EPHA3: variants seen among roughly 807,000 people sequenced by gnomAD.
The protein encoded by EPHA3 is EPH receptor A3.
A neutral mutation model predicts 107.1 loss-of-function variants in EPHA3; 42 were observed. The ratio of observed to expected loss-of-function variants is 0.39; its 90% CI spans 0.31 to 0.51. The LOEUF is 0.51. EPHA3 is among the 20% of genes least tolerant of loss of function. The probability of loss-of-function intolerance (pLI) is 0.78; values close to 1 mark genes in which losing one functional copy is unlikely to be tolerated. For synonymous variants in EPHA3, 461 were observed against 424.8 expected, an observed-to-expected ratio of 1.09 and a Z score of -1.05; for missense variants, 1,183 against 1,211.2, an observed-to-expected ratio of 0.98 and a Z score of 0.35.
intron 2 of EPHA3, among the ~76,000 whole-genome samples, chr3:89,181,145 A>G (rs1705434297): frequency 6.6e-6 from 1 of 151,958 alleles, no homozygotes; most frequent in Non-Finnish European, 1.5e-5. Context: ...TGACTTTTGT[A>G]TTCTACCTGT....
At chr3:89,340,435 C>T (rs1049541840) in intron 3 of EPHA3, among the ~76,000 whole-genome samples, 7 of 152,158 alleles carry the variant, frequency 4.6e-5, no homozygotes, top group Non-Finnish European at 7.4e-5. Context: ...TAAAAATATA[C>T]GTGAAGCCAT....
At chr3:89,132,167 G>A (rs1418752256) in intron 2 of EPHA3, among the ~76,000 whole-genome samples, 2 of 152,106 alleles carry the variant, frequency 1.3e-5, no homozygotes, top group African/African-American at 4.8e-5. Context: ...AAAGGCTCTG[G>A]GTCTGCAGCA....
chr3:89,458,671 C>T (rs1559704068), intron 15 of EPHA3, among the ~76,000 whole-genome samples: 3 of 152,162 alleles, frequency 2.0e-5, no homozygotes, highest in Admixed American at 1.3e-4. Flanking sequence ...TCTGCATCTT[C>T]GCTGGCATCT....
chr3:89,467,671 A>G (rs545029481), intron 15 of EPHA3, among the ~76,000 whole-genome samples: 2 of 152,332 alleles, frequency 1.3e-5, no homozygotes, highest in South Asian at 2.1e-4. Context: ...AATTGATGGG[A>G]AGAAAATATA....
chr3:89,340,957 A>C lies in EPHA3; in HGVS notation c.856A>C (p.Lys286Gln), dbSNP rs948106621. The change falls in exon 4 of 17, where the codon AAG becomes CAG. Residue 286 changes from lysine (K) to glutamine (Q), a missense_variant. Lys to Gln is a moderately conservative substitution (Grantham distance 53). Coordinates refer to ENST00000336596, the MANE Select transcript of EPHA3 (RefSeq NM_005233.6). The stretch of plus-strand genomic sequence containing the variant: ...CTACAAGGCATTGGATGGTAATATG[A>C]AGTGTGCTAAGTGCCCGCCTCACAG... ...GFYKALDGNM[K>Q]CAKCPPHSST... 2 of 1,614,070 alleles carry C rather than the reference A, an allele frequency of 1.2e-6. No individual in the cohort carries two copies. Among genetic ancestry groups the C allele is most frequent in the Non-Finnish European group, 1.7e-6 (2 of 1,179,974 alleles).
At chr3:89,351,295 C>T (rs1407245973) in intron 5 of EPHA3, among the ~76,000 whole-genome samples, 1 of 151,388 alleles carries the variant, frequency 6.6e-6, no homozygotes, top group African/African-American at 2.4e-5. Flanking sequence ...ACCCTCTGAG[C>T]CAGGTGTGGG....
intron 2 of EPHA3, among the ~76,000 whole-genome samples, chr3:89,166,782 C>T (rs556903869): frequency 4.6e-4 from 70 of 152,278 alleles, no homozygotes; most frequent in African/African-American, 1.2e-3. Flanking sequence ...ACAAAATGCA[C>T]CCTTTTATTA....
Position 89,143,610 on chromosome 3 carries a change from T to C in EPHA3, c.153+16337T>C, listed in dbSNP as rs186017073. ...AAATTCTTTTTAAAATAATTTTAGA[T>C]ATACGGAAAAGTTGCAAAGATAGTA... is the stretch of plus-strand genomic sequence containing the variant. On this transcript the variant is annotated intron_variant, in intron 2 of 16. Coordinates refer to ENST00000336596, the MANE Select transcript of EPHA3 (RefSeq NM_005233.6). 9.7e-4 allele frequency among the ~76,000 whole-genome samples: 147 copies of C among 151,698 alleles called. 2 individuals are homozygous for C. The highest frequency in any genetic ancestry group is 9.6e-3 in the Admixed American group (146 of 15,168).
intron 10 of EPHA3, among the ~76,000 whole-genome samples, chr3:89,415,289 C>T (rs1431257872): frequency 6.6e-6 from 1 of 150,656 alleles, no homozygotes; most frequent in African/African-American, 2.4e-5. Flanking sequence ...GAACAAATGG[C>T]AACCTTGGTT....
At chr3:89,108,231 C>T (rs1323933331) in intron 1 of EPHA3, among the ~76,000 whole-genome samples, 1 of 152,140 alleles carries the variant, frequency 6.6e-6, no homozygotes, top group African/African-American at 2.4e-5. Context: ...CAGCCTTCCT[C>T]TCTAGACTCT....
chr3:89,168,874 C>A (rs1183851147), intron 2 of EPHA3, among the ~76,000 whole-genome samples: 1 of 151,762 alleles, frequency 6.6e-6, no homozygotes, highest in Non-Finnish European at 1.5e-5. Flanking sequence ...TCTGGTACAC[C>A]ATCAAAAAAT....
intron 9 of EPHA3, among the ~76,000 whole-genome samples, chr3:89,411,413 C>T (rs1709152253): frequency 1.3e-5 from 2 of 151,838 alleles, no homozygotes; most frequent in African/African-American, 2.4e-5. Context: ...CAGCACCAGG[C>T]AGAAGTAGGA....
intron 9 of EPHA3, among the ~76,000 whole-genome samples, chr3:89,411,674 CT>C (rs1709156453): frequency 6.6e-6 from 1 of 151,878 alleles, no homozygotes; most frequent in Non-Finnish European, 1.5e-5. Flanking sequence ...ATGAAGTTGT[CT>C]TGTAGTTCAA....
chr3:89,287,458 G>A (rs1706115810), intron 3 of EPHA3, among the ~76,000 whole-genome samples: 2 of 152,100 alleles, frequency 1.3e-5, no homozygotes, highest in African/African-American at 2.4e-5. Context: ...CAATAAAAGC[G>A]TGACATCTAC....
intron 3 of EPHA3, among the ~76,000 whole-genome samples, chr3:89,313,893 G>A (rs1204009946): frequency 6.6e-6 from 1 of 151,732 alleles, no homozygotes; most frequent in East Asian, 1.9e-4. Context: ...TGTTATCATG[G>A]CAGGTATATA....
chr3:89,472,605 C>T lies in EPHA3; in HGVS notation c.2832C>T (p.Ala944=). The T allele has an allele frequency of 6.2e-7, 1 of 1,609,278 alleles. No individual in the cohort carries two copies. Among genetic ancestry groups the T allele is most frequent in the Non-Finnish European group, 8.5e-7 (1 of 1,177,748 alleles). Residue 944 remains alanine, a synonymous_variant, in exon 16 of 17, where the codon GCC becomes GCT. Coordinates refer to ENST00000336596, the MANE Select transcript of EPHA3 (RefSeq NM_005233.6). The part of the protein sequence containing the change: ...GVEYSSCDTI[A]KISTDDMKKV... ...AGTACAGTTCTTGTGACACAATAGC[C>T]AAGATTTCCACAGAGTAAGAAAAAA...
At chr3:89,141,576 T>A (rs1305919709) in intron 2 of EPHA3, among the ~76,000 whole-genome samples, 1 of 151,640 alleles carries the variant, frequency 6.6e-6, no homozygotes, top group African/African-American at 2.4e-5. Context: ...ATGGATTGCC[T>A]TGCTAATGGT....
intron 3 of EPHA3, among the ~76,000 whole-genome samples, chr3:89,308,486 G>A (rs1706681379): frequency 6.6e-6 from 1 of 152,078 alleles, no homozygotes; most frequent in Admixed American, 6.6e-5. Flanking sequence ...AGGAACCCTG[G>A]CATAGGAAGC....
chr3:89,274,420 C>A (rs1380895054), intron 3 of EPHA3, among the ~76,000 whole-genome samples: 1 of 151,740 alleles, frequency 6.6e-6, no homozygotes, highest in Non-Finnish European at 1.5e-5. Flanking sequence ...AATTTCTAAG[C>A]AATAAGCAGT....
Sources: allele counts gnomAD v4.1 joint callset (sites outside exome capture counted in the v4.1 genomes callset), GRCh38; gene constraint gnomAD v4.1.1; transcripts MANE v1.5; gene names NCBI Gene and HGNC (gene_info 2026-07-23, HGNC 2026-07-21).